ITSN2: variants seen among roughly 807,000 people sequenced by gnomAD.
The protein encoded by ITSN2 is intersectin-2.
ITSN2 carries 156 observed loss-of-function variants against 243.7 expected under a neutral mutation model. The observed-to-expected ratio is 0.64, with a 90% CI of 0.56 to 0.73. The LOEUF (loss-of-function observed/expected upper bound fraction) is 0.73, where lower values mean the gene tolerates loss of function less well. Ranked by LOEUF, ITSN2 falls within the 30% of genes least tolerant of loss-of-function variation. The pLI is 0.00. For synonymous variants in ITSN2, 703 were observed against 699.9 expected, an observed-to-expected ratio of 1.00 and a Z score of -0.07; for missense variants, 1,801 against 1,996.1, an observed-to-expected ratio of 0.90 and a Z score of 1.86.
intron 9 of ITSN2, among the ~76,000 whole-genome samples, chr2:24,303,571 G>A (rs1326254016): frequency 6.6e-6 from 1 of 152,172 alleles, no homozygotes; most frequent in African/African-American, 2.4e-5. Flanking sequence ...ATCTATTGTT[G>A]AAGAAAATAT....
chr2:24,276,648 C>G (rs1427027501), intron 17 of ITSN2, among the ~76,000 whole-genome samples: 1 of 152,208 alleles, frequency 6.6e-6, no homozygotes, highest in Non-Finnish European at 1.5e-5. Flanking sequence ...ACCTTCCTCC[C>G]AACATCTTAC....
At chr2:24,238,308 C>T (rs1672375242) in intron 29 of ITSN2, among the ~76,000 whole-genome samples, 1 of 152,198 alleles carries the variant, frequency 6.6e-6, no homozygotes, top group Non-Finnish European at 1.5e-5. Context: ...CCAGCACCTG[C>T]TTAGCCTTAT....
intron 30 of ITSN2, among the ~76,000 whole-genome samples, chr2:24,218,600 G>A (rs963519673): frequency 2.0e-5 from 3 of 151,858 alleles, no homozygotes; most frequent in African/African-American, 4.9e-5. Flanking sequence ...GTACACACAC[G>A]CGTGTGTGTT....
intron 22 of ITSN2, among the ~76,000 whole-genome samples, chr2:24,259,609 A>G (rs897598723): frequency 6.6e-6 from 1 of 152,206 alleles, no homozygotes; most frequent in Non-Finnish European, 1.5e-5. Context: ...TATTCCAGCC[A>G]TATTATTAAC....
intron 8 of ITSN2, 45 bp downstream of exon 8, chr2:24,308,572 A>G: frequency 8.0e-7 from 1 of 1,255,038 alleles, no homozygotes; most frequent in Non-Finnish European, 1.0e-6. Flanking sequence ...GGAAGTCCAC[A>G]TAAAAGACCC....
At chr2:24,206,912 T>A (rs1224717710) in intron 37 of ITSN2, among the ~76,000 whole-genome samples, 1 of 151,362 alleles carries the variant, frequency 6.6e-6, no homozygotes, top group East Asian at 2.0e-4. Context: ...CCTTGAAGGA[T>A]GGGAAGAATT....
chr2:24,320,525 C>CAAAAA (rs113637557), intron 2 of ITSN2, among the ~76,000 whole-genome samples: 11 of 41,520 alleles, frequency 2.6e-4, no homozygotes, highest in Non-Finnish European at 3.7e-4. Context: ...GACTCCGTCT[C>CAAAAA]AAAAAAAAAA....
rs1007227854 is a variant in ITSN2, at chr2:24,220,646, G to A, written c.3699+299C>T. ...ATCCACTCTATCCCCGTCCTTCCTT[G>A]ATGGGGCTCCTGCCACATCCAACGA... On this transcript the variant is annotated intron_variant, in intron 30 of 39. Transcript: ENST00000355123. 7 of 1,245,260 alleles carry A rather than the reference G, an allele frequency of 5.6e-6. No individual in the cohort carries two copies. In the African/African-American group the frequency reaches 1.1e-4, roughly 19 times the overall value. The allele number at this position is 1,245,260 out of a possible 1,614,324, so 77.1% of individuals were successfully genotyped here.
intron 25 of ITSN2, among the ~76,000 whole-genome samples, chr2:24,250,592 G>A (rs1316878167): frequency 6.6e-6 from 1 of 152,184 alleles, no homozygotes; most frequent in South Asian, 2.1e-4. Context: ...CATCATGCAC[G>A]GGTAAAAGAT....
chr2:24,232,800 T>G (rs1490922639), intron 29 of ITSN2, among the ~76,000 whole-genome samples: 2 of 152,208 alleles, frequency 1.3e-5, no homozygotes, highest in Non-Finnish European at 2.9e-5. Flanking sequence ...TCTTATACTT[T>G]CCAATGGCAG....
chr2:24,292,354 T>C (rs1344588653), intron 15 of ITSN2, among the ~76,000 whole-genome samples: 1 of 152,192 alleles, frequency 6.6e-6, no homozygotes, highest in Non-Finnish European at 1.5e-5. Flanking sequence ...AAGATATATT[T>C]CTGCCACTGT....
At chr2:24,359,508 G>T (rs1458393712) in intron 1 of ITSN2, among the ~76,000 whole-genome samples, 4 of 152,190 alleles carry the variant, frequency 2.6e-5, no homozygotes, top group African/African-American at 9.7e-5. Context: ...CTTGCCATTG[G>T]TAATTCTAGA....
In ITSN2 at chr2:24,237,001, CA is replaced by C. The variant is rs1275037743; in HGVS notation, c.3577+9127del. On this transcript the variant is annotated intron_variant, in intron 29 of 39. Coordinates refer to ENST00000355123, the MANE Select transcript of ITSN2 (RefSeq NM_006277.3). ...ATGAGCCACCATCCTGTTTTTGTTT[CA>C]CTGGTATGAGTAACAGTTGTAGTGC... Among the ~76,000 whole-genome samples the C allele has an allele frequency of 2.6e-5, 4 of 151,672 alleles. No individual in the cohort carries two copies. In the East Asian group the frequency reaches 7.7e-4, roughly 29 times the overall value.
At chr2:24,247,525 T>C (rs954665325) in intron 27 of ITSN2, among the ~76,000 whole-genome samples, 1 of 152,030 alleles carries the variant, frequency 6.6e-6, no homozygotes, top group Non-Finnish European at 1.5e-5. Flanking sequence ...ACCCCCAAAT[T>C]TGGAATTGGT....
intron 29 of ITSN2, among the ~76,000 whole-genome samples, chr2:24,227,288 TAAA>T (rs55652738): frequency 3.4e-4 from 39 of 114,762 alleles, no homozygotes; most frequent in Non-Finnish European, 4.0e-4. Flanking sequence ...GAGCTCAAAG[TAAA>T]AAAAAAAAAA....
intron 15 of ITSN2, among the ~76,000 whole-genome samples, chr2:24,289,208 C>T (rs1049778138): frequency 2.0e-5 from 3 of 152,116 alleles, no homozygotes; most frequent in African/African-American, 7.2e-5. Flanking sequence ...TTGGGTAGTA[C>T]AGATAATTTT....
intron 1 of ITSN2, among the ~76,000 whole-genome samples, chr2:24,347,641 G>C (rs144498136): frequency 6.6e-6 from 1 of 151,662 alleles, no homozygotes; most frequent in Admixed American, 6.6e-5. Context: ...AGCTGAGATC[G>C]CACCATTGCA....
intron 15 of ITSN2, among the ~76,000 whole-genome samples, chr2:24,287,958 C>T (rs142480366): frequency 1.2e-3 from 178 of 152,164 alleles, no homozygotes; most frequent in African/African-American, 4.1e-3. Context: ...AGATACATGG[C>T]TCACAAGTAT....
At chr2:24,238,504 A>C (rs1672401260) in intron 29 of ITSN2, among the ~76,000 whole-genome samples, 2 of 152,212 alleles carry the variant, frequency 1.3e-5, no homozygotes, top group Non-Finnish European at 2.9e-5. Flanking sequence ...TGATACCTCC[A>C]AGCATTCACT....
Sources: gnomAD v4.1 joint callset for allele counts (sites outside exome capture counted in the v4.1 genomes callset) on GRCh38, gnomAD v4.1.1 for gene constraint, MANE v1.5 for transcripts, NCBI Gene and HGNC (gene_info 2026-07-23, HGNC 2026-07-21) for gene names.